STX7: variants seen among roughly 807,000 people sequenced by gnomAD.
STX7 encodes syntaxin-7.
Under a neutral mutation model 39.6 loss-of-function variants are expected in STX7, and 34 were observed. That is an observed-to-expected ratio of 0.86 (90% CI 0.65 to 1.14). The LOEUF is 1.14. Among genes scored for constraint, STX7 ranks in the 50% most tolerant of loss-of-function variants. The pLI is 0.00. For synonymous variants in STX7, 119 were observed against 99.1 expected (o/e 1.20, Z -1.19); for missense variants, 284 against 310.4 (o/e 0.92, Z 0.64).
At chr6:132,484,620 G>C (rs1012069287) in intron 2 of STX7, among the ~76,000 whole-genome samples, 1 of 152,028 alleles carries the variant, frequency 6.6e-6, no homozygotes, top group Admixed American at 6.5e-5. Flanking sequence ...TGTTTTCAAC[G>C]TAAAATAACC....
intron 1 of STX7, among the ~76,000 whole-genome samples, chr6:132,510,694 G>T (rs1775824309): frequency 6.6e-6 from 1 of 152,184 alleles, no homozygotes; most frequent in Admixed American, 6.5e-5. Context: ...ATCACAGAAA[G>T]ATCTATTGCA....
chr6:132,483,364 A>T (rs1775055984), intron 2 of STX7, among the ~76,000 whole-genome samples: 1 of 152,144 alleles, frequency 6.6e-6, no homozygotes, highest in South Asian at 2.1e-4. Flanking sequence ...TTTTTGTTCC[A>T]TGGTTAGTTG....
chr6:132,482,579 GA>G (rs894774226), intron 2 of STX7, among the ~76,000 whole-genome samples: 1 of 152,188 alleles, frequency 6.6e-6, no homozygotes. Flanking sequence ...TAAAAGGACT[GA>G]AAGTAAAAGA....
chr6:132,509,505 AACATAACATAAAAT>A (rs1775793882), intron 1 of STX7, among the ~76,000 whole-genome samples: 1 of 139,322 alleles, frequency 7.2e-6, no homozygotes, highest in Non-Finnish European at 1.5e-5. Flanking sequence ...AACATAACAT[AACATAACATAAAAT>A]AAAAAAAGAC....
chr6:132,492,959 G>T (rs1246919462), intron 2 of STX7, among the ~76,000 whole-genome samples: 1 of 152,144 alleles, frequency 6.6e-6, no homozygotes, highest in African/African-American at 2.4e-5. Context: ...AGTGTACTGG[G>T]TATTCACAAA....
In STX7 at chr6:132,449,729, A is replaced by G. The variant is rs765396022; in HGVS notation, c.*11029T>C. On this transcript the variant is annotated 3_prime_UTR_variant, in exon 10 of 10. Coordinates refer to ENST00000367941, the MANE Select transcript of STX7 (RefSeq NM_003569.3). ...CCTAAGTTGTCTTTGGTTCTTTTTA[A>G]TATCTGCCTTTTAACACATCTCTCA... The G allele has an allele frequency of 6.6e-6, 1 of 152,178 alleles. No homozygotes were observed. The highest frequency in any genetic ancestry group is 1.5e-5 in the Non-Finnish European group (1 of 68,030). 9.4% of individuals were successfully genotyped at this position (152,178 alleles called of 1,614,324 possible). A position where few individuals can be genotyped will look rare whatever the true frequency, so the allele number is the denominator to read the frequency against.
At position 132,447,242 on chromosome 6, in the gene STX7, T is replaced by C. The variant is rs1243441074; in HGVS notation, c.*13516A>G. ...CTAGACATTGATTAGCTGACTGACA[T>C]AGAGCGTTTCTTATCAGTCAACAAA... On this transcript the variant is annotated 3_prime_UTR_variant, in exon 10 of 10. Coordinates refer to ENST00000367941, the MANE Select transcript of STX7 (RefSeq NM_003569.3). 1.3e-5 allele frequency: 2 copies of C among 152,150 alleles called. No homozygotes were observed. The highest frequency in any genetic ancestry group is 2.9e-5 in the Non-Finnish European group (2 of 68,014). 9.4% of individuals were successfully genotyped at this position (152,150 alleles called of 1,614,324 possible).
intron 1 of STX7, among the ~76,000 whole-genome samples, chr6:132,511,635 A>G (rs182215139): frequency 1.2e-3 from 181 of 152,330 alleles, no homozygotes; most frequent in African/African-American, 4.0e-3. Flanking sequence ...CTCTGTCTAC[A>G]TAAGTATCCT....
intron 4 of STX7, 33 bp from the exon 5 acceptor site, chr6:132,471,633 T>G (rs1346157271): frequency 6.2e-7 from 1 of 1,603,310 alleles, no homozygotes; most frequent in Non-Finnish European, 8.5e-7. Flanking sequence ...CCAACTAGAA[T>G]CTAGCTGTGA....
intron 8 of STX7, among the ~76,000 whole-genome samples, chr6:132,465,665 A>G (rs888318753): frequency 1.3e-5 from 2 of 152,132 alleles, no homozygotes; most frequent in African/African-American, 4.8e-5. Context: ...TGGCATTATC[A>G]TTCTCAGCCC....
intron 1 of STX7, among the ~76,000 whole-genome samples, chr6:132,509,786 T>C (rs368893557): frequency 6.6e-6 from 1 of 152,270 alleles, no homozygotes; most frequent in Admixed American, 6.5e-5. Context: ...TATACAAGCA[T>C]AGACAGACAG....
In STX7 at chr6:132,458,869, A is replaced by G. The variant is rs1024100246; in HGVS notation, c.*1889T>C. 5 of 152,168 alleles carry G rather than the reference A, an allele frequency of 3.3e-5. No homozygotes were observed. Among genetic ancestry groups the G allele is most frequent in the Admixed American group, 2.0e-4 (3 of 15,266 alleles). 9.4% of individuals were successfully genotyped at this position (152,168 alleles called of 1,614,324 possible). On this transcript the variant is annotated 3_prime_UTR_variant, in exon 10 of 10. Coordinates refer to ENST00000367941, the MANE Select transcript of STX7 (RefSeq NM_003569.3). ...AATAATTTAAAATGATTACACTTCA[A>G]ATAAAGGTACTAAAATCACGCCCCC...
At chr6:132,506,959 G>A (rs984426686) in intron 1 of STX7, among the ~76,000 whole-genome samples, 1 of 152,168 alleles carries the variant, frequency 6.6e-6, no homozygotes. Flanking sequence ...AAATGCAATG[G>A]AATACTATTC....
chr6:132,512,352 TAAAG>T (rs979949342), intron 1 of STX7, among the ~76,000 whole-genome samples: 5 of 152,182 alleles, frequency 3.3e-5, no homozygotes, highest in African/African-American at 1.2e-4. Context: ...TGTCTGAATT[TAAAG>T]AAAGTAACTA....
intron 1 of STX7, among the ~76,000 whole-genome samples, chr6:132,505,845 TA>T (rs1229787149): frequency 3.4e-5 from 5 of 147,282 alleles, no homozygotes; most frequent in Non-Finnish European, 7.4e-5. Context: ...CAAATTATAC[TA>T]AAAGGGTATA....
chr6:132,482,664 T>C (rs773366375), intron 2 of STX7, among the ~76,000 whole-genome samples: 1 of 152,214 alleles, frequency 6.6e-6, no homozygotes, highest in Non-Finnish European at 1.5e-5. Flanking sequence ...TAAGTGTGTC[T>C]AGATTGAAGA....
chr6:132,487,556 G>GT (rs774720401), intron 2 of STX7, among the ~76,000 whole-genome samples: 75 of 152,242 alleles, frequency 4.9e-4, no homozygotes, highest in Non-Finnish European at 6.6e-4. Context: ...TGATGGGTTA[G>GT]TAGGTGCAGC....
At chr6:132,494,235 A>G (rs1044648824) in intron 2 of STX7, among the ~76,000 whole-genome samples, 2 of 151,330 alleles carry the variant, frequency 1.3e-5, no homozygotes, top group Admixed American at 1.3e-4. Context: ...TAACAAGAGA[A>G]AAAAAAAGTA....
rs569149278 is a variant in STX7, at chr6:132,496,231, C to T, written c.85+7215G>A. Among the ~76,000 whole-genome samples the T allele has an allele frequency of 3.1e-4, 47 of 152,160 alleles. 3 individuals are homozygous for T. The South Asian group carries it at 9.3e-3, about 30-fold the overall frequency. ...TGTTTTATTCACTTTCCAACTTTAG[C>T]CACACTACATCTTCCTCTTTCAGGT... On this transcript the variant is annotated intron_variant, in intron 2 of 9. Transcript: ENST00000367941.
Sources: allele counts gnomAD v4.1 joint callset (sites outside exome capture counted in the v4.1 genomes callset), GRCh38; gene constraint gnomAD v4.1.1; transcripts MANE v1.5; gene names NCBI Gene and HGNC (gene_info 2026-07-23, HGNC 2026-07-21).